The following DDX50 variants were observed in gnomAD, a reference collection of about 807,000 sequenced individuals.
The protein encoded by DDX50 is ATP-dependent RNA helicase DDX50.
DDX50 carries 56 observed loss-of-function variants against 94.8 expected under a neutral mutation model. The ratio of observed to expected loss-of-function variants is 0.59; its 90% CI spans 0.48 to 0.74. The LOEUF is 0.74. DDX50 is among the 30% of genes least tolerant of loss of function. DDX50 has a pLI of 0.00. For synonymous variants in DDX50, 264 were observed against 295.4 expected (o/e 0.89, Z 1.09); for missense variants, 713 against 881.2 (o/e 0.81, Z 2.42).
chr10:68,917,812 A>G (rs895830110), intron 7 of DDX50, among the ~76,000 whole-genome samples: 1 of 152,186 alleles, frequency 6.6e-6, no homozygotes, highest in African/African-American at 2.4e-5. Flanking sequence ...CATGTTGGCC[A>G]GGCTAGTCTG....
chr10:68,920,483 G>T (rs1417667661), intron 8 of DDX50, among the ~76,000 whole-genome samples: 1 of 151,274 alleles, frequency 6.6e-6, no homozygotes, highest in Non-Finnish European at 1.5e-5. Context: ...GATTTTATCA[G>T]TTTTTTTTTA....
chr10:68,940,570 C>T (rs751538228), intron 12 of DDX50, among the ~76,000 whole-genome samples: 2 of 151,652 alleles, frequency 1.3e-5, no homozygotes, highest in Non-Finnish European at 2.9e-5. Flanking sequence ...GCCACCATGC[C>T]TGGCTAATTA....
chr10:68,932,722 G>T (rs911684634), intron 8 of DDX50, among the ~76,000 whole-genome samples: 2 of 152,094 alleles, frequency 1.3e-5, no homozygotes, highest in African/African-American at 4.8e-5. Context: ...AATATAAATA[G>T]GTTCAGTGTC....
chr10:68,925,095 G>GTTTTTTTTTTTTTTTTTTTTTTT (rs1239190321), intron 8 of DDX50, among the ~76,000 whole-genome samples: 2 of 28,562 alleles, frequency 7.0e-5, no homozygotes, highest in African/African-American at 1.1e-4. Flanking sequence ...CCTGCTCATG[G>GTTTTTTTTTTTTTTTTTTTTTTT]TTTTTTTTTT....
intron 3 of DDX50, among the ~76,000 whole-genome samples, chr10:68,910,723 A>T (rs1043243249): frequency 2.0e-5 from 3 of 152,140 alleles, no homozygotes; most frequent in African/African-American, 7.2e-5. Context: ...GTTTTAATGG[A>T]TATGCAATTA....
chr10:68,917,566 A>G (rs1001322167), intron 7 of DDX50, among the ~76,000 whole-genome samples: 4 of 151,946 alleles, frequency 2.6e-5, no homozygotes, highest in Admixed American at 1.3e-4. Context: ...TGTTAACACC[A>G]CTCAAAGATG....
At chr10:68,912,656 C>G (rs551160240) in intron 4 of DDX50, among the ~76,000 whole-genome samples, 11 of 152,180 alleles carry the variant, frequency 7.2e-5, no homozygotes, top group Non-Finnish European at 1.5e-4. Context: ...GGCATAATGC[C>G]ACTCATGGGT....
chr10:68,902,030 G>C (rs1841300046), intron 1 of DDX50, among the ~76,000 whole-genome samples: 1 of 151,922 alleles, frequency 6.6e-6, no homozygotes, highest in South Asian at 2.1e-4. Context: ...TTTACTGTCA[G>C]TATTTTCATT....
rs1469119339 is a variant in DDX50, at chr10:68,936,547, TATAA to T, written c.1596-387_1596-384del. On this transcript the variant is annotated intron_variant, in intron 11 of 14. Transcript: ENST00000373585. ...ATATATATATATATATATATATATATATAAAATGTGGCTGGGCACTGTGGTGCAC... is the reference window on the plus strand; with the variant it reads ...ATATATATATATATATATATATATATAATGTGGCTGGGCACTGTGGTGCAC... Among the ~76,000 whole-genome samples the T allele has an allele frequency of 2.3e-4, 21 of 91,974 alleles. 1 individual carries two copies. The highest frequency in any genetic ancestry group is 7.7e-4 in the African/African-American group (19 of 24,582). The allele number at this position is 91,974 out of a possible 152,430, so 60.3% of individuals were successfully genotyped here. A position where few individuals can be genotyped will look rare whatever the true frequency, so the allele number is the denominator to read the frequency against.
intron 8 of DDX50, 91 bp downstream of exon 8, chr10:68,920,072 T>C (rs1841901076): frequency 6.7e-7 from 1 of 1,502,694 alleles, no homozygotes; most frequent in African/African-American, 1.4e-5. Context: ...CCAGATTTGA[T>C]AGTCATTCTC....
chr10:68,911,300 G>A, intron 4 of DDX50, 54 bp downstream of exon 4: 1 of 1,440,142 alleles, frequency 6.9e-7, no homozygotes, highest in African/African-American at 1.4e-5. Flanking sequence ...GAAAGGGAAA[G>A]AAAGTTACAC....
Position 68,919,883 on chromosome 10 carries a change from G to A in DDX50, c.1141G>A (p.Val381Ile). 6.2e-7 allele frequency: 1 copy of A among 1,614,012 alleles called. No individual in the cohort carries two copies. Among genetic ancestry groups the A allele is most frequent in the Non-Finnish European group, 8.5e-7 (1 of 1,179,906 alleles). The change falls in exon 8 of 15, where the codon GTC (valine) becomes ATC (isoleucine). Residue 381 changes from valine (V) to isoleucine (I), a missense_variant. Physicochemically the swap from Val to Ile is conservative, Grantham distance 29. This residue lies in a region of DDX50 where 428 missense variants were observed against 602.3 expected (regional missense o/e 0.71). Coordinates refer to ENST00000373585, the MANE Select transcript of DDX50 (RefSeq NM_024045.2). The stretch of plus-strand genomic sequence containing the variant: ...TCAGAGGCCAGCAGTTATTGGAGAT[G>A]TCCTTCAAGTCTACAGTGGGTCTGA... ...WSQRPAVIGD[V>I]LQVYSGSEGR...
intron 4 of DDX50, among the ~76,000 whole-genome samples, chr10:68,912,649 A>G (rs573725156): frequency 6.6e-6 from 1 of 152,382 alleles, no homozygotes; most frequent in South Asian, 2.1e-4. Flanking sequence ...AAATGGTGGC[A>G]TAATGCCACT....
At chr10:68,930,842 G>A (rs535407016) in intron 8 of DDX50, among the ~76,000 whole-genome samples, 3 of 152,194 alleles carry the variant, frequency 2.0e-5, no homozygotes, top group African/African-American at 7.2e-5. Context: ...TTATAGAGAT[G>A]GAATATCCTT....
At chr10:68,922,997 G>A (rs1396675311) in intron 8 of DDX50, among the ~76,000 whole-genome samples, 2 of 148,970 alleles carry the variant, frequency 1.3e-5, no homozygotes, top group Admixed American at 1.3e-4. Flanking sequence ...CACCATATTG[G>A]CCAGGCTGGT....
In DDX50 at chr10:68,934,182, C is replaced by A; in HGVS notation, c.1240-17C>A. ...GTATGAGCTGTACACTTAATTTTCT[C>A]CCCCTTTCTCAAATAGAATGCCCAG... On this transcript the variant is annotated splice_polypyrimidine_tract_variant and intron_variant, in intron 8 of 14. Coordinates refer to ENST00000373585, the MANE Select transcript of DDX50 (RefSeq NM_024045.2). This position sits in a 1 kb window ranked among gnomAD's most constrained non-coding sequence, Gnocchi z 4.0. 6.2e-7 allele frequency: 1 copy of A among 1,606,838 alleles called. No individual in the cohort carries two copies. The highest frequency in any genetic ancestry group is 8.5e-7 in the Non-Finnish European group (1 of 1,177,378).
intron 8 of DDX50, among the ~76,000 whole-genome samples, chr10:68,925,329 C>T: frequency 6.6e-6 from 1 of 151,444 alleles, no homozygotes; most frequent in East Asian, 2.0e-4. Flanking sequence ...AGGCTGGTCT[C>T]GAACTCTCGA....
intron 1 of DDX50, 86 bp from the exon 2 acceptor site, chr10:68,906,625 T>A: frequency 7.0e-7 from 1 of 1,437,262 alleles, no homozygotes; most frequent in Non-Finnish European, 9.5e-7. Flanking sequence ...TGAGCTGAAC[T>A]GGTGGGGGAG....
In DDX50 at chr10:68,907,096, A is replaced by G; in HGVS notation, c.384+89A>G. 2.3e-6 allele frequency: 3 copies of G among 1,289,702 alleles called. No individual in the cohort carries two copies. In the South Asian group the frequency reaches 4.4e-5, roughly 19 times the overall value. The allele number at this position is 1,289,702 out of a possible 1,614,324, so 79.9% of individuals were successfully genotyped here. On this transcript the variant is annotated intron_variant, in intron 2 of 14. Coordinates refer to ENST00000373585, the MANE Select transcript of DDX50 (RefSeq NM_024045.2). ...TTAGGCTAATTAGAATTGATTCTAT[A>G]ACATTTCTTGATTAGTGTCTAGTAT...
Sources: allele counts gnomAD v4.1 joint callset (sites outside exome capture counted in the v4.1 genomes callset), GRCh38; gene constraint gnomAD v4.1.1; regional missense constraint gnomAD v4.1.1; non-coding constraint Gnocchi (gnomAD v3.1); transcripts MANE v1.5; gene names NCBI Gene and HGNC (gene_info 2026-07-23, HGNC 2026-07-21).